Variants in THEMIS observed in about 807,000 individuals in gnomAD.
THEMIS encodes protein THEMIS.
A neutral mutation model predicts 52.6 loss-of-function variants in THEMIS; 37 were observed. The ratio of observed to expected loss-of-function variants is 0.70; its 90% CI spans 0.54 to 0.93. THEMIS has a LOEUF of 0.93. THEMIS is among the 40% of genes least tolerant of loss of function. THEMIS has a pLI of 0.00. For missense variants in THEMIS, 808 were observed against 763.1 expected (o/e 1.06, Z -0.69); for synonymous variants, 292 against 272.7 (o/e 1.07, Z -0.70).
intron 4 of THEMIS, among the ~76,000 whole-genome samples, chr6:127,741,140 G>A (rs916553399): frequency 1.3e-5 from 2 of 152,230 alleles, no homozygotes; most frequent in South Asian, 4.1e-4. Context: ...CAAATATGTG[G>A]TTTATAGGCA....
At chr6:127,814,900 T>C (rs777769728) in intron 3 of THEMIS, among the ~76,000 whole-genome samples, 3 of 152,198 alleles carry the variant, frequency 2.0e-5, no homozygotes, top group African/African-American at 4.8e-5. Flanking sequence ...CTTATGCCTG[T>C]AATCCCAGCA....
At chr6:127,774,793 A>C (rs968450791) in intron 4 of THEMIS, among the ~76,000 whole-genome samples, 1 of 152,132 alleles carries the variant, frequency 6.6e-6, no homozygotes, top group African/African-American at 2.4e-5. Flanking sequence ...TCAGAATCTC[A>C]TCATGTAAAT....
chr6:127,902,295 A>G (rs1018497321), upstream of THEMIS, among the ~76,000 whole-genome samples: 4 of 143,464 alleles, frequency 2.8e-5, no homozygotes, highest in African/African-American at 7.7e-5. Flanking sequence ...ACTGCATTCC[A>G]GGCTGAATGA....
chr6:127,876,527 C>A (rs555499219), intron 1 of THEMIS, among the ~76,000 whole-genome samples: 6 of 152,298 alleles, frequency 3.9e-5, no homozygotes, highest in African/African-American at 1.4e-4. Context: ...AATACAGATT[C>A]TTGGGTTATC....
intron 4 of THEMIS, among the ~76,000 whole-genome samples, chr6:127,812,395 A>G (rs1777937489): frequency 6.6e-6 from 1 of 152,178 alleles, no homozygotes; most frequent in Admixed American, 6.5e-5. Flanking sequence ...TGTTCTGCCA[A>G]GATATTTTTA....
rs1778466330 is a variant in THEMIS at position 127,825,175 on chromosome 6, G to GT, written c.709+4300_709+4301insA. Among the ~76,000 whole-genome samples the GT allele has an allele frequency of 3.9e-5, 6 of 152,024 alleles. No homozygotes were observed. In the East Asian group the frequency reaches 9.7e-4, roughly 25 times the overall value. ...ATAGAAAAGAAAAAAGGCCCTAGAA[G>GT]ATCAGTATGGGAATTTCAGTATGAG... On this transcript the variant is annotated intron_variant, in intron 3 of 5. Coordinates refer to ENST00000368248, the MANE Select transcript of THEMIS (RefSeq NM_001010923.3).
chr6:127,697,295 T>C, the THEMIS span, among the ~76,000 whole-genome samples: 1 of 152,166 alleles, frequency 6.6e-6, no homozygotes. Flanking sequence ...ATTCTAATAG[T>C]TCTACCTTTC....
upstream of THEMIS, among the ~76,000 whole-genome samples, chr6:127,903,062 A>G (rs1347992852): frequency 6.6e-6 from 1 of 152,080 alleles, no homozygotes; most frequent in East Asian, 1.9e-4. Context: ...CTCAGTCTTA[A>G]TTAATGACAC....
chr6:127,856,337 C>G (rs1291047773), intron 1 of THEMIS, among the ~76,000 whole-genome samples: 1 of 151,824 alleles, frequency 6.6e-6, no homozygotes, highest in Non-Finnish European at 1.5e-5. Context: ...TATCAGAGTC[C>G]CAATAGGTAA....
intron 4 of THEMIS, among the ~76,000 whole-genome samples, chr6:127,743,563 T>C (rs1200433079): frequency 6.6e-6 from 1 of 152,036 alleles, no homozygotes; most frequent in Non-Finnish European, 1.5e-5. Context: ...TAGGATAGAG[T>C]CTTTTAAGAA....
chr6:127,893,572 A>T (rs1285044237), intron 1 of THEMIS, among the ~76,000 whole-genome samples: 1 of 152,190 alleles, frequency 6.6e-6, no homozygotes, highest in Non-Finnish European at 1.5e-5. Flanking sequence ...AATAGGGCAT[A>T]AACGCTTCAC....
intron 4 of THEMIS, among the ~76,000 whole-genome samples, chr6:127,798,379 G>C (rs977992450): frequency 5.3e-5 from 8 of 151,914 alleles, no homozygotes; most frequent in Admixed American, 5.2e-4. Context: ...TATACTTTAA[G>C]TTTTAGGGTA....
upstream of THEMIS, among the ~76,000 whole-genome samples, chr6:127,902,324 CA>C (rs35320887): frequency 0.08 from 8,737 of 109,712 alleles, 879 homozygotes; most frequent in African/African-American, 0.27. Context: ...GACTCTGTCT[CA>C]AAAAAAAAAA....
Position 127,914,211 on chromosome 6 carries a change from T to G in THEMIS, c.-150+4217A>C, listed in dbSNP as rs537442690. On this transcript the variant is annotated intron_variant, in intron 1 of 6. Transcript: ENST00000368250. The stretch of plus-strand genomic sequence containing the variant: ...GTAATTTTCCACTGTGTTGTCATGT[T>G]GGTGCTCAAAAAGTTTCAGATTTTG... Among the ~76,000 whole-genome samples, 9 of 152,326 alleles carry G rather than the reference T, an allele frequency of 5.9e-5. No homozygotes were observed. The South Asian group carries it at 1.9e-3, about 32-fold the overall frequency.
At chr6:127,844,120 A>T (rs1013469375) in intron 2 of THEMIS, among the ~76,000 whole-genome samples, 5 of 152,052 alleles carry the variant, frequency 3.3e-5, no homozygotes, top group South Asian at 4.1e-4. Context: ...ATTTGAAATC[A>T]CATATGAGGT....
intron 1 of THEMIS, among the ~76,000 whole-genome samples, chr6:127,858,481 T>G (rs992881853): frequency 6.6e-6 from 1 of 152,226 alleles, no homozygotes; most frequent in African/African-American, 2.4e-5. Flanking sequence ...CAGGGACATA[T>G]AGCAAAGCTT....
intron 5 of THEMIS, among the ~76,000 whole-genome samples, chr6:127,714,049 T>A (rs1445940860): frequency 6.6e-6 from 1 of 151,918 alleles, no homozygotes; most frequent in African/African-American, 2.4e-5. Flanking sequence ...CATATTCCGA[T>A]GTTCTTTGAA....
chr6:127,868,631 T>G (rs747862045), intron 1 of THEMIS, among the ~76,000 whole-genome samples: 1 of 152,172 alleles, frequency 6.6e-6, no homozygotes, highest in Non-Finnish European at 1.5e-5. Flanking sequence ...TGTCTATTTA[T>G]TCCCAGTGTG....
In THEMIS at chr6:127,907,785, C is replaced by G. The variant is rs543985128; in HGVS notation, c.-149-6704G>C. Among the ~76,000 whole-genome samples the G allele has an allele frequency of 1.0e-3, 157 of 152,070 alleles. 1 individual carries two copies. The highest frequency in any genetic ancestry group is 6.8e-3 in the Middle Eastern group (2 of 294). On this transcript the variant is annotated intron_variant, in intron 1 of 6. Transcript: ENST00000368250. ...CCATAAATGGCTTCCATTTGAAATA[C>G]CTTGATCACCATTCTCTTCTGTCTC...
Sources: allele counts gnomAD v4.1 joint callset (sites outside exome capture counted in the v4.1 genomes callset), GRCh38; gene constraint gnomAD v4.1.1; transcripts MANE v1.5; gene names NCBI Gene and HGNC (gene_info 2026-07-23, HGNC 2026-07-21).